The following ESRRG variants were observed in gnomAD, a reference collection of about 807,000 sequenced individuals.
ESRRG encodes the protein estrogen related receptor gamma.
In ESRRG, 13 loss-of-function variants were observed where a neutral mutation model predicts 44.0. The ratio of observed to expected loss-of-function variants is 0.30; its 90% confidence interval spans 0.19 to 0.47. ESRRG has a LOEUF of 0.47. ESRRG is among the 20% of genes least tolerant of loss of function. The probability of loss-of-function intolerance (pLI) is 1.00; values close to 1 mark genes in which losing one functional copy is unlikely to be tolerated. For missense variants in ESRRG, 395 were observed against 580.6 expected (o/e 0.68, Z 3.29); for synonymous variants, 215 against 214.6 (o/e 1.00, Z -0.02).
At chr1:217,133,605 T>TTTTCTTTCTTTCTTTCTTTCTTTC (rs750071673) in intron 1 of ESRRG, among the ~76,000 whole-genome samples, 1 of 98,416 alleles carries the variant, frequency 1.0e-5, no homozygotes, top group Non-Finnish European at 2.1e-5. Flanking sequence ...TGTTTTCCTT[T>TTTTCTTTCTTTCTTTCTTTCTTTC]TTTCTTTCTT....
At position 216,504,670 on chromosome 1, in the gene ESRRG, G is replaced by A. The variant is rs1424911567; in HGVS notation, c.*2269C>T. On this transcript the variant is annotated 3_prime_UTR_variant, in exon 7 of 7. Coordinates refer to ENST00000408911, the MANE Select transcript of ESRRG (RefSeq NM_001438.4). ...TAATAACAACATCTGAGAGATGATT[G>A]AGTGAAAGCCATATATACAGCATTT... The A allele has an allele frequency of 6.6e-6, 1 of 152,588 alleles. No individual in the cohort carries two copies. The highest frequency in any genetic ancestry group is 1.5e-5 in the Non-Finnish European group (1 of 68,024). 9.5% of individuals were successfully genotyped at this position (152,588 alleles called of 1,614,324 possible).
chr1:216,792,891 G>A (rs911342890), intron 2 of ESRRG, among the ~76,000 whole-genome samples: 1 of 152,128 alleles, frequency 6.6e-6, no homozygotes, highest in Non-Finnish European at 1.5e-5. Context: ...ATTTTCATAA[G>A]GCACCATGAT....
intron 2 of ESRRG, among the ~76,000 whole-genome samples, chr1:216,777,942 G>A (rs2093675196): frequency 6.6e-6 from 1 of 152,068 alleles, no homozygotes; most frequent in South Asian, 2.1e-4. Context: ...GTCAAACCTA[G>A]CCTTGCCACC....
chr1:216,713,975 T>C (rs2151996114), intron 1 of ESRRG, among the ~76,000 whole-genome samples: 1 of 152,320 alleles, frequency 6.6e-6, no homozygotes, highest in Middle Eastern at 3.4e-3. Flanking sequence ...CCTCTCTCTT[T>C]CTGCCAAGCT....
intron 2 of ESRRG, among the ~76,000 whole-genome samples, chr1:216,748,513 C>A (rs541415574): frequency 2.6e-5 from 4 of 152,204 alleles, no homozygotes; most frequent in Admixed American, 1.3e-4. Context: ...TTTATACAGG[C>A]TGTTGTCCAC....
chr1:216,637,583 A>G (rs2065544106), intron 3 of ESRRG, among the ~76,000 whole-genome samples: 1 of 152,254 alleles, frequency 6.6e-6, no homozygotes, highest in South Asian at 2.1e-4. Context: ...TATAAATATC[A>G]GTACAGCATA....
At chr1:216,714,107 CA>C (rs1337268457) in intron 1 of ESRRG, among the ~76,000 whole-genome samples, 4 of 152,054 alleles carry the variant, frequency 2.6e-5, no homozygotes, top group African/African-American at 9.7e-5. Flanking sequence ...ATTAACTTAG[CA>C]AAAATGTCAG....
At position 216,680,159 on chromosome 1, in the gene ESRRG, C is replaced by A. The variant is rs2151543018; in HGVS notation, c.57-2668G>T. 2.0e-5 allele frequency among the ~76,000 whole-genome samples: 3 copies of A among 152,258 alleles called. 1 individual carries two copies. Among genetic ancestry groups the A allele is most frequent in the African/African-American group, 7.2e-5 (3 of 41,558 alleles). On this transcript the variant is annotated intron_variant, in intron 1 of 6. Transcript: ENST00000408911. ...CTGTTTCCTTAATTAATATCTTTTG[C>A]CCAGTGGAAATAATAAAAGTCAGAA...
At chr1:216,982,301 A>G (rs1227577178) in intron 1 of ESRRG, among the ~76,000 whole-genome samples, 1 of 152,212 alleles carries the variant, frequency 6.6e-6, no homozygotes, top group Non-Finnish European at 1.5e-5. Flanking sequence ...TTTCTAGAAA[A>G]AAGTATTTTC....
chr1:216,834,334 G>T (rs545398574), intron 2 of ESRRG, among the ~76,000 whole-genome samples: 2 of 152,270 alleles, frequency 1.3e-5, no homozygotes, highest in East Asian at 3.9e-4. Context: ...CCAGGAGTTT[G>T]AGGCTGCAGT....
chr1:217,061,143 A>G (rs1021236228), intron 1 of ESRRG, among the ~76,000 whole-genome samples: 15 of 152,096 alleles, frequency 9.9e-5, no homozygotes, highest in Non-Finnish European at 1.9e-4. Context: ...AACAATGTGT[A>G]AAATGTTCCT....
chr1:216,772,912 G>A (rs780887989), intron 2 of ESRRG, among the ~76,000 whole-genome samples: 43 of 151,876 alleles, frequency 2.8e-4, no homozygotes, highest in Non-Finnish European at 5.2e-4. Flanking sequence ...AATCTTTGGG[G>A]GAAAAATCAG....
chr1:216,624,707 C>T (rs911356919), intron 3 of ESRRG, among the ~76,000 whole-genome samples: 3 of 152,074 alleles, frequency 2.0e-5, no homozygotes, highest in Non-Finnish European at 4.4e-5. Flanking sequence ...GAAAGTCTCA[C>T]CCAAATTCAA....
chr1:217,125,204 C>T (rs1380536984), intron 1 of ESRRG, among the ~76,000 whole-genome samples: 3 of 152,134 alleles, frequency 2.0e-5, no homozygotes, highest in African/African-American at 7.2e-5. Flanking sequence ...TATATCCATA[C>T]CAGTACCACA....
chr1:217,079,745 G>T (rs890026975), intron 1 of ESRRG, among the ~76,000 whole-genome samples: 5 of 152,158 alleles, frequency 3.3e-5, no homozygotes, highest in South Asian at 2.1e-4. Context: ...CGCCTGGCAC[G>T]CATGCATTTA....
At chr1:217,028,166 A>T (rs2081505833) in intron 1 of ESRRG, among the ~76,000 whole-genome samples, 1 of 152,114 alleles carries the variant, frequency 6.6e-6, no homozygotes. Flanking sequence ...CTACAAAGGG[A>T]TATCGGTCTT....
At chr1:216,750,198 T>G (rs2091869833) in intron 2 of ESRRG, among the ~76,000 whole-genome samples, 1 of 152,146 alleles carries the variant, frequency 6.6e-6, no homozygotes, top group African/African-American at 2.4e-5. Context: ...AATTCTGCAG[T>G]TCTCCTGTGA....
At position 217,011,579 on chromosome 1, in the gene ESRRG, A is replaced by T. The variant is rs112994300; in HGVS notation, c.-105-71906T>A. Among the ~76,000 whole-genome samples, 595 of 152,090 alleles carry T rather than the reference A, an allele frequency of 3.9e-3. 2 individuals carry two copies. Among genetic ancestry groups the T allele is most frequent in the African/African-American group, 0.014 (579 of 41,466 alleles). ...ATAATCTCCCAAGGAAATAAAAAAA[A>T]CTTCACTCCTCGTTTCAGTAGGTCC... On this transcript the variant is annotated intron_variant, in intron 1 of 7. Coordinates refer to the ESRRG transcript ENST00000359162.
At chr1:216,793,685 G>A (rs937861673) in intron 2 of ESRRG, among the ~76,000 whole-genome samples, 6 of 152,136 alleles carry the variant, frequency 3.9e-5, no homozygotes, top group African/African-American at 1.4e-4. Context: ...GATATTTGTT[G>A]TTTTAAGCTG....
Sources: gnomAD v4.1 joint callset for allele counts (sites outside exome capture counted in the v4.1 genomes callset) on GRCh38, gnomAD v4.1.1 for gene constraint, MANE v1.5 for transcripts, NCBI Gene and HGNC (gene_info 2026-07-23, HGNC 2026-07-21) for gene names.